Variants in PRKAG2 observed in about 807,000 individuals in gnomAD.
PRKAG2 encodes 5'-AMP-activated protein kinase subunit gamma-2.
A neutral mutation model predicts 69.6 loss-of-function variants in PRKAG2; 26 were observed. The observed-to-expected ratio is 0.37, with a 90% CI of 0.27 to 0.52. The LOEUF is 0.52. PRKAG2 is among the 20% of genes least tolerant of loss of function. The pLI, the probability that PRKAG2 is intolerant of heterozygous loss-of-function variation, is 0.90. For missense variants in PRKAG2, 557 were observed against 740.0 expected (o/e 0.75, Z 2.87); for synonymous variants, 293 against 285.0 (o/e 1.03, Z -0.28).
At chr7:151,767,853 T>C (rs2075821418) in intron 3 of PRKAG2, among the ~76,000 whole-genome samples, 1 of 150,564 alleles carries the variant, frequency 6.6e-6, no homozygotes, top group Non-Finnish European at 1.5e-5. Flanking sequence ...CTGGTTCCTC[T>C]TATTCTGATT....
intron 8 of PRKAG2, among the ~76,000 whole-genome samples, chr7:151,574,193 C>T (rs1001270207): frequency 2.0e-5 from 3 of 152,030 alleles, no homozygotes; most frequent in Non-Finnish European, 2.9e-5. Context: ...TTTTAAGTAC[C>T]CCAAATAGGA....
At chr7:151,654,586 T>C (rs1829113975) in intron 4 of PRKAG2, among the ~76,000 whole-genome samples, 1 of 152,254 alleles carries the variant, frequency 6.6e-6, no homozygotes, top group African/African-American at 2.4e-5. Flanking sequence ...TTGTCATTTT[T>C]CTCCTGTGCT....
At chr7:151,570,073 G>C (rs1584963923) in intron 10 of PRKAG2, 98 bp downstream of exon 10, 2 of 1,410,340 alleles carry the variant, frequency 1.4e-6, no homozygotes, top group Non-Finnish European at 1.9e-6. Flanking sequence ...GCCCTGTTTG[G>C]AATGAAGAAC....
In PRKAG2 at chr7:151,777,747, T is replaced by C. The variant is rs1249158082; in HGVS notation, c.466+3405A>G. Among the ~76,000 whole-genome samples the C allele has an allele frequency of 6.6e-6, 1 of 152,128 alleles. No individual in the cohort carries two copies. The highest frequency in any genetic ancestry group is 2.4e-5 in the African/African-American group (1 of 41,432). ...CAAGCTAACAAAGGGAGGAATTTAG[T>C]TTATAGTTTAATTTGAAAGCAAGGA... On this transcript the variant is annotated intron_variant, in intron 3 of 15. Coordinates refer to ENST00000287878, the MANE Select transcript of PRKAG2 (RefSeq NM_016203.4). The surrounding 1 kb of genome is among the most constrained non-coding windows in gnomAD (Gnocchi z 4.3).
intron 3 of PRKAG2, among the ~76,000 whole-genome samples, chr7:151,686,397 T>C (rs908009214): frequency 3.3e-5 from 5 of 152,206 alleles, no homozygotes; most frequent in African/African-American, 7.2e-5. Flanking sequence ...CTCCCTTCTA[T>C]GGAAGAGCAA....
intron 3 of PRKAG2, among the ~76,000 whole-genome samples, chr7:151,712,293 G>A (rs1047509301): frequency 6.6e-6 from 1 of 152,208 alleles, no homozygotes; most frequent in Non-Finnish European, 1.5e-5. Context: ...GGCTCAGCAG[G>A]AAGGGGCCTG....
At chr7:151,820,093 G>T (rs145582540) in intron 1 of PRKAG2, among the ~76,000 whole-genome samples, 42 of 152,344 alleles carry the variant, frequency 2.8e-4, no homozygotes, top group Admixed American at 5.9e-4. Flanking sequence ...ACTTTGTCCC[G>T]TGACCCCACA....
intron 1 of PRKAG2, among the ~76,000 whole-genome samples, chr7:151,825,537 A>G (rs1020720930): frequency 9.2e-5 from 14 of 152,172 alleles, no homozygotes; most frequent in Non-Finnish European, 1.8e-4. Flanking sequence ...CTCCCCATGC[A>G]CCTGGCACCC....
chr7:151,747,682 C>A (rs1210946985), intron 3 of PRKAG2, among the ~76,000 whole-genome samples: 1 of 152,142 alleles, frequency 6.6e-6, no homozygotes, highest in African/African-American at 2.4e-5. Context: ...AGTTAGCTCA[C>A]GTGGCTTGTT....
intron 1 of PRKAG2, chr7:151,806,844 T>C: frequency 7.7e-6 from 3 of 389,972 alleles, no homozygotes; most frequent in Non-Finnish European, 1.0e-5. Context: ...GTGCATGCTG[T>C]AGTCCCAGCT....
At chr7:151,655,470 T>C (rs1829276729) in intron 4 of PRKAG2, among the ~76,000 whole-genome samples, 1 of 152,148 alleles carries the variant, frequency 6.6e-6, no homozygotes, top group South Asian at 2.1e-4. Flanking sequence ...GGACTAAAAC[T>C]CAGTTTCCAA....
rs370710679 is a variant in PRKAG2 at position 151,788,429 on chromosome 7, T to C, written c.115-1888A>G. Among the ~76,000 whole-genome samples the C allele has an allele frequency of 3.9e-5, 6 of 152,238 alleles. No homozygotes were observed. Among genetic ancestry groups the C allele is most frequent in the East Asian group, 1.9e-4 (1 of 5,206 alleles). ...TTTGGAGAAATGTCTATTCAGGCCATTTGTCTGACTTGTTTGGAGAAATGT... is the reference window on the plus strand; with the variant it reads ...TTTGGAGAAATGTCTATTCAGGCCACTTGTCTGACTTGTTTGGAGAAATGT... On this transcript the variant is annotated intron_variant, in intron 1 of 15. Transcript: ENST00000287878. This position sits in a 1 kb window ranked among gnomAD's most constrained non-coding sequence, Gnocchi z 4.6.
intron 1 of PRKAG2, among the ~76,000 whole-genome samples, chr7:151,829,928 G>A (rs1405587357): frequency 6.6e-6 from 1 of 151,686 alleles, no homozygotes; most frequent in Admixed American, 6.6e-5. Context: ...AGACCGAGGC[G>A]CAGACACCCC....
intron 4 of PRKAG2, among the ~76,000 whole-genome samples, chr7:151,670,040 A>G (rs1282669815): frequency 6.8e-6 from 1 of 147,910 alleles, no homozygotes; most frequent in East Asian, 2.0e-4. Flanking sequence ...ACCTGCATGC[A>G]CACACACCTG....
chr7:151,845,678 A>C (rs1341115607), intron 1 of PRKAG2, among the ~76,000 whole-genome samples: 1 of 152,174 alleles, frequency 6.6e-6, no homozygotes, highest in African/African-American at 2.4e-5. Flanking sequence ...CGTCATCCTC[A>C]CAAGGGGAGG....
At position 151,595,506 on chromosome 7, in the gene PRKAG2, G is replaced by A. The variant is rs549525575; in HGVS notation, c.755-52C>T. ...GTAATAATAAAGAATTCCCTCAATC[G>A]GATGAAGAGCATATACGTAAACCTA... is the stretch of plus-strand genomic sequence containing the variant. On this transcript the variant is annotated intron_variant, in intron 5 of 15. Coordinates refer to ENST00000287878, the MANE Select transcript of PRKAG2 (RefSeq NM_016203.4). 4.3e-4 allele frequency: 526 copies of A among 1,230,082 alleles called. 7 individuals carry two copies. The South Asian group carries it at 5.8e-3, about 14-fold the overall frequency. The allele number at this position is 1,230,082 out of a possible 1,614,324, so 76.2% of individuals were successfully genotyped here.
At chr7:151,855,101 CACA>C in intron 1 of PRKAG2, among the ~76,000 whole-genome samples, 1 of 57,436 alleles carries the variant, frequency 1.7e-5, no homozygotes. Flanking sequence ...CCATCCTCCA[CACA>C]CACCACCCTA....
chr7:151,817,974 G>A (rs1054630754), intron 1 of PRKAG2, among the ~76,000 whole-genome samples: 3 of 152,130 alleles, frequency 2.0e-5, no homozygotes, highest in African/African-American at 7.2e-5. Context: ...AGAATAAGAG[G>A]AAGATACTCA....
intron 1 of PRKAG2, among the ~76,000 whole-genome samples, chr7:151,849,111 G>A (rs751244182): frequency 2.6e-5 from 4 of 152,200 alleles, no homozygotes; most frequent in Admixed American, 6.5e-5. Context: ...TGGAATACAG[G>A]GGCGTGGTGG....
Sources: gnomAD v4.1 joint callset for allele counts (sites outside exome capture counted in the v4.1 genomes callset) on GRCh38, gnomAD v4.1.1 for gene constraint, Gnocchi (gnomAD v3.1) non-coding constraint, MANE v1.5 for transcripts, NCBI Gene and HGNC (gene_info 2026-07-23, HGNC 2026-07-21) for gene names.